Variants in SCAMP5 observed in about 807,000 individuals in gnomAD.
SCAMP5 encodes secretory carrier-associated membrane protein 5.
In SCAMP5, 7 loss-of-function variants were observed where a neutral mutation model predicts 28.3. The observed-to-expected ratio is 0.25, with a 90% CI of 0.14 to 0.46. The LOEUF is 0.46. SCAMP5 is among the 20% of genes least tolerant of loss of function. SCAMP5 has a pLI of 0.99. For missense variants in SCAMP5, 192 were observed against 312.5 expected (o/e 0.61, Z 2.91); for synonymous variants, 117 against 116.4 (o/e 1.00, Z -0.03).
intron 4 of SCAMP5, 150 bp from the exon 5 acceptor site, chr15:75,017,720 G>A (rs373021244): frequency 2.1e-5 from 14 of 670,114 alleles, no homozygotes; most frequent in African/African-American, 1.6e-4. Flanking sequence ...AAGATGTATG[G>A]GTAGAACTAA....
intron 1 of SCAMP5, among the ~76,000 whole-genome samples, chr15:75,000,578 G>T (rs1057079990): frequency 6.6e-6 from 1 of 151,216 alleles, no homozygotes; most frequent in Non-Finnish European, 1.5e-5. Context: ...TAGAGACGAG[G>T]TTTCACCGTG....
intron 1 of SCAMP5, among the ~76,000 whole-genome samples, chr15:75,007,138 G>C (rs1357599520): frequency 6.6e-6 from 1 of 151,972 alleles, no homozygotes; most frequent in African/African-American, 2.4e-5. Context: ...TCCTGGCTTG[G>C]GACCAGCCAT....
In SCAMP5 at chr15:75,018,393, G is replaced by A. The variant is rs1339657202; in HGVS notation, c.396-25G>A. 3 of 1,501,948 alleles carry A rather than the reference G, an allele frequency of 2.0e-6. No homozygotes were observed. The highest frequency in any genetic ancestry group is 2.8e-6 in the Non-Finnish European group (3 of 1,078,062). The allele number at this position is 1,501,948 out of a possible 1,614,324, so 93.0% of individuals were successfully genotyped here. A position where few individuals can be genotyped will look rare whatever the true frequency, so the allele number is the denominator to read the frequency against. On this transcript the variant is annotated intron_variant, in intron 5 of 6. Transcript: ENST00000425597. The surrounding 1 kb of genome is among the most constrained non-coding windows in gnomAD (Gnocchi z 5.6). ...CTGGGCACCTCTTATCCTGCCCGCA[G>A]CCCCACACTGGCCTCTTCCTGCAGC...
chr15:75,006,235 G>T (rs1000648328), intron 1 of SCAMP5, among the ~76,000 whole-genome samples: 3 of 151,388 alleles, frequency 2.0e-5, no homozygotes, highest in African/African-American at 7.3e-5. Flanking sequence ...CTGACCTTGT[G>T]ATCCTCCTGC....
At chr15:75,011,690 G>A in intron 1 of SCAMP5, 102 bp from the exon 2 acceptor site, 1 of 538,882 alleles carries the variant, frequency 1.9e-6, no homozygotes, top group Non-Finnish European at 3.4e-6. Flanking sequence ...AGTATGTGCT[G>A]GGTCCTGTCC....
In SCAMP5 at chr15:75,012,744, C is replaced by T. The variant is rs780890702; in HGVS notation, c.75C>T (p.Phe25=). The part of the protein sequence containing the change: ...IPLKPCFYQD[F]EADIPPQHVS... ...TGAAGCCATGTTTCTACCAAGACTT[C>T]GAGGCAGATATTCCTCCCCAGCATG... Residue 25 remains phenylalanine, a synonymous_variant, in exon 3 of 7, where the codon TTC becomes TTT. Coordinates refer to ENST00000425597, the MANE Select transcript of SCAMP5 (RefSeq NM_138967.4). 3.7e-5 allele frequency: 60 copies of T among 1,613,840 alleles called. No individual in the cohort carries two copies. In the South Asian group the frequency reaches 4.3e-4, roughly 12 times the overall value.
rs2065655829 is a variant in SCAMP5 at position 74,996,534 on chromosome 15, G to A, written c.-49+861G>A. ...GGGAGGCGACAGCTAGCGAATAGGA[G>A]ACTTCCAGAGGTGATGGGATTTGGG... is the stretch of plus-strand genomic sequence containing the variant. On this transcript the variant is annotated intron_variant, in intron 1 of 6. Transcript: ENST00000425597. This position sits in a 1 kb window ranked among gnomAD's most constrained non-coding sequence, Gnocchi z 4.1. Among the ~76,000 whole-genome samples the A allele has an allele frequency of 6.6e-6, 1 of 152,196 alleles. No homozygotes were observed. Among genetic ancestry groups the A allele is most frequent in the Non-Finnish European group, 1.5e-5 (1 of 68,034 alleles).
chr15:74,999,861 C>T (rs1234269664), intron 1 of SCAMP5, among the ~76,000 whole-genome samples: 2 of 152,140 alleles, frequency 1.3e-5, no homozygotes. Context: ...CACCTGACTG[C>T]TTCATGGCCA....
At position 75,012,042 on chromosome 15, in the gene SCAMP5, A is replaced by T. The variant is rs142579376; in HGVS notation, c.7+196A>T. Among the ~76,000 whole-genome samples, 90 of 152,296 alleles carry T rather than the reference A, an allele frequency of 5.9e-4. No homozygotes were observed. The East Asian group carries it at 0.015, about 26-fold the overall frequency. On this transcript the variant is annotated intron_variant, in intron 2 of 6. Coordinates refer to ENST00000425597, the MANE Select transcript of SCAMP5 (RefSeq NM_138967.4). ...ATGACATTGTCTAGCCCTCTGTCAGATCTTTGGTCCTATGGACCAGGAATT... is the reference window on the plus strand; with the variant it reads ...ATGACATTGTCTAGCCCTCTGTCAGTTCTTTGGTCCTATGGACCAGGAATT...
intron 1 of SCAMP5, among the ~76,000 whole-genome samples, chr15:74,999,046 C>T (rs1263285442): frequency 6.6e-6 from 1 of 152,208 alleles, no homozygotes; most frequent in Non-Finnish European, 1.5e-5. Flanking sequence ...TCTCCCACTC[C>T]ATGTCCCATT....
chr15:75,015,793 G>A (rs992114275), intron 3 of SCAMP5, among the ~76,000 whole-genome samples: 3 of 152,020 alleles, frequency 2.0e-5, no homozygotes, highest in African/African-American at 7.2e-5. Flanking sequence ...GGGCGTGATG[G>A]CAGGCACCTG....
intron 1 of SCAMP5, among the ~76,000 whole-genome samples, chr15:75,000,269 A>G (rs1481848438): frequency 6.6e-6 from 1 of 152,220 alleles, no homozygotes; most frequent in Non-Finnish European, 1.5e-5. Context: ...TCACAGGTGC[A>G]ATCATAGCTC....
intron 3 of SCAMP5, 99 bp downstream of exon 3, chr15:75,012,904 C>T: frequency 1.7e-6 from 2 of 1,167,116 alleles, no homozygotes; most frequent in South Asian, 1.3e-5. Flanking sequence ...GCCTGACTGT[C>T]CTTCAGTCCC....
At chr15:74,999,524 G>A (rs1355656731) in intron 1 of SCAMP5, among the ~76,000 whole-genome samples, 1 of 152,156 alleles carries the variant, frequency 6.6e-6, no homozygotes, top group Non-Finnish European at 1.5e-5. Context: ...TTTTCCCGAG[G>A]CGGAGCTTGC....
At chr15:75,005,090 G>A (rs750491629) in intron 1 of SCAMP5, among the ~76,000 whole-genome samples, 19 of 151,520 alleles carry the variant, frequency 1.3e-4, no homozygotes, top group Admixed American at 8.6e-4. Context: ...CAGGAGAATC[G>A]CTTAAATCTG....
intron 3 of SCAMP5, among the ~76,000 whole-genome samples, chr15:75,015,924 T>TG (rs2065855331): frequency 2.2e-5 from 1 of 44,658 alleles, no homozygotes; most frequent in African/African-American, 1.0e-4. Flanking sequence ...AAATTCCATC[T>TG]CAAAAAAAAA....
At chr15:74,997,512 C>CTA (rs1451135502) in intron 1 of SCAMP5, among the ~76,000 whole-genome samples, 8 of 152,216 alleles carry the variant, frequency 5.3e-5, no homozygotes, top group Non-Finnish European at 1.2e-4. Context: ...TGCCCAATGA[C>CTA]TGACTCAAAA....
intron 1 of SCAMP5, among the ~76,000 whole-genome samples, chr15:75,005,460 C>CA (rs762990882): frequency 0.021 from 2,029 of 97,854 alleles, 16 homozygotes; most frequent in African/African-American, 0.034. Context: ...AACTCCGTTT[C>CA]AAAAAAAAAA....
At chr15:75,000,631 A>G (rs56223937) in intron 1 of SCAMP5, among the ~76,000 whole-genome samples, 2 of 143,154 alleles carry the variant, frequency 1.4e-5, no homozygotes, top group Non-Finnish European at 3.0e-5. Flanking sequence ...TGATCCGCCC[A>G]CCTCGGCCTC....
Sources: gnomAD v4.1 joint callset for allele counts (sites outside exome capture counted in the v4.1 genomes callset) on GRCh38, gnomAD v4.1.1 for gene constraint, Gnocchi (gnomAD v3.1) non-coding constraint, MANE v1.5 for transcripts, NCBI Gene and HGNC (gene_info 2026-07-23, HGNC 2026-07-21) for gene names.